The following RHOT1 variants were observed in gnomAD, a reference collection of about 807,000 sequenced individuals.
RHOT1 encodes the protein ras homolog family member T1.
In RHOT1, 27 loss-of-function variants were observed where a neutral mutation model predicts 95.3. The observed-to-expected ratio is 0.28, with a 90% CI of 0.21 to 0.39. RHOT1 has a LOEUF of 0.39. Ranked by LOEUF, RHOT1 falls within the 10% of genes least tolerant of loss-of-function variation. The pLI is 1.00. For missense variants in RHOT1, 578 were observed against 786.7 expected (o/e 0.73, Z 3.17); for synonymous variants, 227 against 263.5 (o/e 0.86, Z 1.34).
At chr17:32,192,390 G>C in intron 9 of RHOT1, 91 bp downstream of exon 9, 2 of 706,276 alleles carry the variant, frequency 2.8e-6, no homozygotes, top group East Asian at 2.7e-5. Context: ...TAAACAACAA[G>C]AACAGTATGT....
chr17:32,194,654 G>A (rs1388563855), intron 11 of RHOT1, among the ~76,000 whole-genome samples: 1 of 152,028 alleles, frequency 6.6e-6, no homozygotes, highest in African/African-American at 2.4e-5. Context: ...ACTGAGGAAG[G>A]AAAAATAAGA....
chr17:32,148,313 T>C (rs2031693892), intron 1 of RHOT1, among the ~76,000 whole-genome samples: 1 of 152,194 alleles, frequency 6.6e-6, no homozygotes, highest in Admixed American at 6.6e-5. Context: ...ATTTAGTGCT[T>C]AGATAAAAGA....
In RHOT1 at chr17:32,164,016, G is replaced by A. The variant is rs548618116; in HGVS notation, c.38-7027G>A. 3.9e-5 allele frequency among the ~76,000 whole-genome samples: 6 copies of A among 152,144 alleles called. No homozygotes were observed. The East Asian group carries it at 7.9e-4, about 20-fold the overall frequency. The stretch of plus-strand genomic sequence containing the variant: ...ATAAAAATACAAAAATTAGCCAGAC[G>A]TGGTGGTGTGCACCTGTAGTCCCAG... On this transcript the variant is annotated intron_variant, in intron 1 of 19. Coordinates refer to ENST00000545287, the MANE Select transcript of RHOT1 (RefSeq NM_001033566.3).
chr17:32,193,015 T>C, intron 9 of RHOT1, 121 bp from the exon 10 acceptor site: 2 of 640,848 alleles, frequency 3.1e-6, no homozygotes, highest in Non-Finnish European at 5.4e-6. Flanking sequence ...ATTCCTAATG[T>C]AGAATATGTT....
At chr17:32,172,005 T>TTAGCATATAGCA (rs763180942) in intron 2 of RHOT1, among the ~76,000 whole-genome samples, 1 of 152,196 alleles carries the variant, frequency 6.6e-6, no homozygotes, top group Non-Finnish European at 1.5e-5. Flanking sequence ...TAGCATATAG[T>TTAGCATATAGCA]TATAGGGAAT....
At chr17:32,201,901 GTGTT>G (rs35875636) in intron 14 of RHOT1, among the ~76,000 whole-genome samples, 34,060 of 151,038 alleles carry the variant, frequency 0.23, 4,264 homozygotes, top group African/African-American at 0.34. Context: ...TAAGGAGGTT[GTGTT>G]TGTTTGTTTG....
At chr17:32,164,483 C>A (rs879586789) in intron 1 of RHOT1, among the ~76,000 whole-genome samples, 4 of 151,936 alleles carry the variant, frequency 2.6e-5, no homozygotes, top group African/African-American at 7.2e-5. Context: ...CCGCCCACCT[C>A]GGCCTCCCAA....
chr17:32,192,334 T>G, intron 9 of RHOT1, 35 bp downstream of exon 9: 3 of 199,276 alleles, frequency 1.5e-5, no homozygotes, highest in Non-Finnish European at 2.5e-5. Context: ...TTGCGTATCT[T>G]TTTTTTTTTT....
At chr17:32,199,605 G>A (rs1450852078) in intron 13 of RHOT1, 55 bp downstream of exon 13, 4 of 1,435,198 alleles carry the variant, frequency 2.8e-6, no homozygotes, top group Non-Finnish European at 2.8e-6. Flanking sequence ...TAAAATTATG[G>A]TGTATTACAT....
chr17:32,158,763 T>TTA (rs2033235014), intron 1 of RHOT1, among the ~76,000 whole-genome samples: 2 of 152,200 alleles, frequency 1.3e-5, no homozygotes, highest in South Asian at 4.1e-4. Flanking sequence ...CGGCCGTTTC[T>TTA]TGGTATTTTA....
intron 1 of RHOT1, chr17:32,151,471 T>A: frequency 1.6e-6 from 1 of 611,042 alleles, no homozygotes; most frequent in Non-Finnish European, 3.0e-6. Context: ...TGAAAGAGTC[T>A]AGCTAGGGAT....
intron 1 of RHOT1, among the ~76,000 whole-genome samples, chr17:32,159,159 A>T (rs1219863087): frequency 6.6e-6 from 1 of 152,004 alleles, no homozygotes; most frequent in Non-Finnish European, 1.5e-5. Flanking sequence ...CAGCCTCAAG[A>T]TCATCGGGTT....
intron 1 of RHOT1, among the ~76,000 whole-genome samples, chr17:32,158,388 T>TA (rs901815817): frequency 2.0e-5 from 3 of 152,258 alleles, no homozygotes; most frequent in African/African-American, 7.2e-5. Context: ...TGCTCTTGGA[T>TA]AAAAAATCTA....
chr17:32,172,145 A>G (rs2034629043), intron 2 of RHOT1, among the ~76,000 whole-genome samples: 1 of 152,186 alleles, frequency 6.6e-6, no homozygotes, highest in South Asian at 2.1e-4. Context: ...GTATAATTTC[A>G]TTGTTCAAAT....
At chr17:32,148,876 C>T (rs961262796) in intron 1 of RHOT1, among the ~76,000 whole-genome samples, 4 of 152,160 alleles carry the variant, frequency 2.6e-5, no homozygotes, top group Non-Finnish European at 5.9e-5. Flanking sequence ...TCATTTGGAA[C>T]TAGATGTTCA....
Position 32,184,300 on chromosome 17 carries a change from T to A in RHOT1, c.540+1028T>A, listed in dbSNP as rs146511609. On this transcript the variant is annotated intron_variant, in intron 8 of 19. Coordinates refer to ENST00000545287, the MANE Select transcript of RHOT1 (RefSeq NM_001033566.3). The stretch of plus-strand genomic sequence containing the variant: ...TACCTTCTGTCTCTGTGGATTTGCC[T>A]CTTCTGGACATTTTATATAAATGGA... Among the ~76,000 whole-genome samples, 722 of 152,260 alleles carry A rather than the reference T, an allele frequency of 4.7e-3. 7 individuals are homozygous for A. The highest frequency in any genetic ancestry group is 0.017 in the African/African-American group (694 of 41,550).
chr17:32,199,081 A>G (rs778167311), intron 12 of RHOT1, 50 bp downstream of exon 12: 63 of 1,319,296 alleles, frequency 4.8e-5, no homozygotes, highest in Non-Finnish European at 6.2e-5. Context: ...ACATTTTTCT[A>G]TGGATGATAT....
chr17:32,143,383 C>A (rs542514450), intron 1 of RHOT1, among the ~76,000 whole-genome samples: 2 of 152,126 alleles, frequency 1.3e-5, no homozygotes, highest in African/African-American at 4.8e-5. Context: ...TCCTCGTACT[C>A]GAGATATTTC....
At chr17:32,154,976 T>C (rs995577442) in intron 1 of RHOT1, among the ~76,000 whole-genome samples, 3 of 151,328 alleles carry the variant, frequency 2.0e-5, no homozygotes, top group African/African-American at 4.9e-5. Context: ...CCCACCTACT[T>C]GAGAGGCTGA....
Sources: allele counts gnomAD v4.1 joint callset (sites outside exome capture counted in the v4.1 genomes callset), GRCh38; gene constraint gnomAD v4.1.1; transcripts MANE v1.5; gene names NCBI Gene and HGNC (gene_info 2026-07-23, HGNC 2026-07-21).